Variants in TAF10 observed in about 807,000 individuals in gnomAD.
TAF10 encodes TATA-box binding protein associated factor 10, also known as transcription initiation factor TFIID subunit 10.
Under a neutral mutation model 18.1 loss-of-function variants are expected in TAF10, and 2 were observed. That is an observed-to-expected ratio of 0.11 (90% CI 0.05 to 0.35). The LOEUF (loss-of-function observed/expected upper bound fraction) is 0.35, where lower values mean the gene tolerates loss of function less well. Ranked by LOEUF, TAF10 falls within the 10% of genes least tolerant of loss-of-function variation. The pLI, the probability that TAF10 is intolerant of heterozygous loss-of-function variation, is 1.00. For missense variants in TAF10, 293 were observed against 306.9 expected (o/e 0.95, Z 0.34); for synonymous variants, 158 against 134.6 (o/e 1.17, Z -1.20).
In TAF10 at chr11:6,606,637, G is replaced by A. The variant is rs1302187702; in HGVS notation, c.*4285C>T. On this transcript the variant is annotated 3_prime_UTR_variant, in exon 5 of 5. Transcript: ENST00000299424. Reference sequence around the variant, plus strand: ...AGGGGTGGAATTAATGAAACTGGAAGGTTGTGGTGCTGGTTTGAGGAGTAA... The same window carrying A: ...AGGGGTGGAATTAATGAAACTGGAAAGTTGTGGTGCTGGTTTGAGGAGTAA... 1 of 152,270 alleles carries A rather than the reference G, an allele frequency of 6.6e-6. No individual in the cohort carries two copies. Among genetic ancestry groups the A allele is most frequent in the Admixed American group, 6.5e-5 (1 of 15,284 alleles). The allele number at this position is 152,270 out of a possible 1,614,324, so 9.4% of individuals were successfully genotyped here.
In TAF10 at chr11:6,609,074, A is replaced by G; in HGVS notation, c.*1848T>C. 6.2e-7 allele frequency: 1 copy of G among 1,614,106 alleles called. No individual in the cohort carries two copies. The highest frequency in any genetic ancestry group is 8.5e-7 in the Non-Finnish European group (1 of 1,179,962). ...CCTGACCTGCCCACACTCTTAGGAA[A>G]TGGAACCCTGAACAAACACTCTGGC... On this transcript the variant is annotated 3_prime_UTR_variant, in exon 5 of 5. Coordinates refer to ENST00000299424, the MANE Select transcript of TAF10 (RefSeq NM_006284.4).
chr11:6,610,330 A>T lies in TAF10; in HGVS notation c.*592T>A. On this transcript the variant is annotated 3_prime_UTR_variant, in exon 5 of 5. Transcript: ENST00000299424. ...GTTGCGGGAGTGGTTGGTGATGGTG[A>T]AAATAACTGTAGTGGGCCTTGGCTC... The T allele has an allele frequency of 6.2e-7, 1 of 1,613,912 alleles. No individual in the cohort carries two copies. The highest frequency in any genetic ancestry group is 8.5e-7 in the Non-Finnish European group (1 of 1,179,996).
In TAF10 at chr11:6,609,330, T is replaced by G; in HGVS notation, c.*1592A>C. 6.2e-7 allele frequency: 1 copy of G among 1,614,084 alleles called. No homozygotes were observed. Among genetic ancestry groups the G allele is most frequent in the South Asian group, 1.1e-5 (1 of 91,078 alleles). ...AAGGGCCGCTGGCAGGGCAATGACA[T>G]TGTCGTGAAGGTGCTGAAGGTTCGA... On this transcript the variant is annotated 3_prime_UTR_variant, in exon 5 of 5. Coordinates refer to ENST00000299424, the MANE Select transcript of TAF10 (RefSeq NM_006284.4).
At position 6,607,982 on chromosome 11, in the gene TAF10, T is replaced by G. The variant is rs1447220066; in HGVS notation, c.*2940A>C. On this transcript the variant is annotated 3_prime_UTR_variant, in exon 5 of 5. Coordinates refer to ENST00000299424, the MANE Select transcript of TAF10 (RefSeq NM_006284.4). ...CAGAGAGTATGTAATTATCAGTTTT[T>G]CAGGAATCAAAACCTTTGCCCCATC... The G allele has an allele frequency of 1.9e-6, 3 of 1,540,782 alleles. No homozygotes were observed. Among genetic ancestry groups the G allele is most frequent in the Non-Finnish European group, 2.7e-6 (3 of 1,116,494 alleles).
chr11:6,607,823 A>C lies in TAF10; in HGVS notation c.*3099T>G. The C allele has an allele frequency of 1.7e-6, 1 of 577,178 alleles. No homozygotes were observed. The highest frequency in any genetic ancestry group is 3.1e-6 in the Non-Finnish European group (1 of 322,392). The allele number at this position is 577,178 out of a possible 1,614,324, so 35.8% of individuals were successfully genotyped here. On this transcript the variant is annotated 3_prime_UTR_variant, in exon 5 of 5. Coordinates refer to ENST00000299424, the MANE Select transcript of TAF10 (RefSeq NM_006284.4). ...AGATGTGGGATATGGTGAAGATAAC[A>C]CATTTTTTTATAGAGGTTGTTGAGA...
Position 6,611,550 on chromosome 11 carries a change from A to G in TAF10, c.388-98T>C. ...GGAAGCTCACAGTTTGGGTGAGCAG[A>G]GGGCAAACACAGAAGAGCGACTAGG... On this transcript the variant is annotated intron_variant, in intron 2 of 4. Transcript: ENST00000299424. 3 of 1,596,868 alleles carry G rather than the reference A, an allele frequency of 1.9e-6. No individual in the cohort carries two copies. In the South Asian group the frequency reaches 3.3e-5, roughly 18 times the overall value.
At position 6,608,120 on chromosome 11, in the gene TAF10, T is replaced by C. The variant is rs752892842; in HGVS notation, c.*2802A>G. 6.2e-7 allele frequency: 1 copy of C among 1,614,150 alleles called. No individual in the cohort carries two copies. Among genetic ancestry groups the C allele is most frequent in the Non-Finnish European group, 8.5e-7 (1 of 1,180,010 alleles). ...TCTGCTGTGGTTGAGATGTTGATCA[T>C]GCGGGGGGCACGGATCAATGTAATG... On this transcript the variant is annotated 3_prime_UTR_variant, in exon 5 of 5. Coordinates refer to ENST00000299424, the MANE Select transcript of TAF10 (RefSeq NM_006284.4). The surrounding 1 kb of genome is among the most constrained non-coding windows in gnomAD (Gnocchi z 4.9).
At position 6,607,908 on chromosome 11, in the gene TAF10, G is replaced by A; in HGVS notation, c.*3014C>T. On this transcript the variant is annotated 3_prime_UTR_variant, in exon 5 of 5. Coordinates refer to ENST00000299424, the MANE Select transcript of TAF10 (RefSeq NM_006284.4). ...GAAGGTCTGAAATGGACAGCTTTGG[G>A]AGTTGCTGGCATGAATGAGAATCAA... The A allele has an allele frequency of 1.2e-6, 1 of 849,062 alleles. No individual in the cohort carries two copies. The allele number at this position is 849,062 out of a possible 1,614,324, so 52.6% of individuals were successfully genotyped here.
rs1466608792 is a variant in TAF10 at position 6,611,976 on chromosome 11, C to G, written c.214G>C (p.Ala72Pro). ...CCCTCACCCGCCCCACGCCGCTCAG[C>G]TGGCTCCCCGGCCCGCGCCGCCAAG... is the stretch of plus-strand genomic sequence containing the variant. ...GPLAARAGEP[A>P]ERRGAAPVSA... Residue 72 changes from alanine to proline, a missense_variant, in exon 1 of 5, where the codon GCT becomes CCT. Coordinates refer to ENST00000299424, the MANE Select transcript of TAF10 (RefSeq NM_006284.4). 1.3e-6 allele frequency: 2 copies of G among 1,566,112 alleles called. No homozygotes were observed. The highest frequency in any genetic ancestry group is 1.1e-5 in the South Asian group (1 of 87,012).
At position 6,608,126 on chromosome 11, in the gene TAF10, G is replaced by A. The variant is rs1451247994; in HGVS notation, c.*2796C>T. On this transcript the variant is annotated 3_prime_UTR_variant, in exon 5 of 5. Coordinates refer to ENST00000299424, the MANE Select transcript of TAF10 (RefSeq NM_006284.4). This position sits in a 1 kb window ranked among gnomAD's most constrained non-coding sequence, Gnocchi z 4.9. Reference sequence around the variant, plus strand: ...GTGGTTGAGATGTTGATCATGCGGGGGGCACGGATCAATGTAATGAACCGT... The same window carrying A: ...GTGGTTGAGATGTTGATCATGCGGGAGGCACGGATCAATGTAATGAACCGT... The A allele has an allele frequency of 1.2e-6, 2 of 1,614,102 alleles. No homozygotes were observed. Among genetic ancestry groups the A allele is most frequent in the Middle Eastern group, 3.3e-4 (2 of 6,062 alleles).
At position 6,611,960 on chromosome 11, in the gene TAF10, GC is replaced by G; in HGVS notation, c.229del (p.Ala77ArgfsTer31). On this transcript the variant is annotated frameshift_variant, in exon 1 of 5. Coordinates refer to ENST00000299424, the MANE Select transcript of TAF10 (RefSeq NM_006284.4). LOFTEE classifies it high-confidence loss of function. Reference sequence around the variant, plus strand: ...CCCTCACCCGTCCCGGCCCTCACCCGCCCCACGCCGCTCAGCTGGCTCCCCG... The same window carrying G: ...CCCTCACCCGTCCCGGCCCTCACCCGCCCACGCCGCTCAGCTGGCTCCCCG... ...RAGEPAERRG[A>X]APVSAGGAAP... 1.3e-6 allele frequency: 2 copies of G among 1,571,096 alleles called. No individual in the cohort carries two copies. The highest frequency in any genetic ancestry group is 1.1e-5 in the South Asian group (1 of 87,558).
Position 6,607,748 on chromosome 11 carries a change from GA to G in TAF10, c.*3173del, listed in dbSNP as rs1255787802. On this transcript the variant is annotated 3_prime_UTR_variant, in exon 5 of 5. Transcript: ENST00000299424. ...ACAGAAAGGACCAATAGATGTTGCA[GA>G]AGGGGTGCAAGAGAAACCAGGGGAA... 6.8e-6 allele frequency: 3 copies of G among 438,930 alleles called. No individual in the cohort carries two copies. The highest frequency in any genetic ancestry group is 1.3e-5 in the Non-Finnish European group (3 of 236,502). The allele number at this position is 438,930 out of a possible 1,614,324, so 27.2% of individuals were successfully genotyped here.
rs374912970 is a variant in TAF10, at chr11:6,611,757, T to A, written c.294A>T (p.Val98=). The A allele has an allele frequency of 1.2e-6, 2 of 1,611,432 alleles. No individual in the cohort carries two copies. The highest frequency in any genetic ancestry group is 1.7e-6 in the Non-Finnish European group (2 of 1,178,782). ...PEGAISNGVY[V]LPSAANGDVK... ...CGTCTCCGTTGGCCGCGCTCGGCAG[T>A]ACGTAAACCCCGTTAGATATGGCCC... Residue 98 remains valine, a synonymous_variant, in exon 2 of 5, where the codon GTA becomes GTT. Transcript: ENST00000299424.
rs1476808329 is a variant in TAF10, at chr11:6,611,701, A to C, written c.350T>G (p.Val117Gly). The C allele has an allele frequency of 6.2e-7, 1 of 1,607,860 alleles. No homozygotes were observed. The highest frequency in any genetic ancestry group is 1.7e-5 in the Admixed American group (1 of 59,196). The change falls in exon 2 of 5, where the codon GTG (valine) becomes GGG (glycine). Residue 117 changes from valine to glycine, a missense_variant. By Grantham distance (109) the Val-to-Gly change is moderately radical (BLOSUM62 -3). Coordinates refer to ENST00000299424, the MANE Select transcript of TAF10 (RefSeq NM_006284.4). ...VKPVVSSTPL[V>G]DFLMQLEDYT... ...ATCTTCCAGCTGCATCAAGAAGTCCACCAAAGGCGTGCTGGACACCACGGG... is the reference window on the plus strand; with the variant it reads ...ATCTTCCAGCTGCATCAAGAAGTCCCCCAAAGGCGTGCTGGACACCACGGG...
In TAF10 at chr11:6,609,907, C is replaced by A. The variant is rs1227521233; in HGVS notation, c.*1015G>T. 2.5e-6 allele frequency: 4 copies of A among 1,614,040 alleles called. No homozygotes were observed. The highest frequency in any genetic ancestry group is 1.3e-5 in the African/African-American group (1 of 74,938). ...AAGCCCTTTGCCTATCTATGACTTA[C>A]CTCCTTCTATCTGTTTTCTCTTCCT... On this transcript the variant is annotated 3_prime_UTR_variant, in exon 5 of 5. Transcript: ENST00000299424.
intron 2 of TAF10, 84 bp from the exon 3 acceptor site, chr11:6,611,536 G>A: frequency 6.3e-7 from 1 of 1,595,254 alleles, no homozygotes; most frequent in Admixed American, 1.7e-5. Flanking sequence ...GAAGCTCACA[G>A]TTTGGGTGAG....
chr11:6,611,981 T>C lies in TAF10; in HGVS notation c.209A>G (p.Glu70Gly). ...ACCCGCCCCACGCCGCTCAGCTGGC[T>C]CCCCGGCCCGCGCCGCCAAGGGTCC... ...GTGPLAARAG[E>G]PAERRGAAPV... The change falls in exon 1 of 5, where the codon GAG (glutamate) becomes GGG (glycine). Residue 70 changes from glutamate (E) to glycine (G), a missense_variant. Glu to Gly is a moderately conservative substitution (Grantham distance 98, BLOSUM62 -2). Coordinates refer to ENST00000299424, the MANE Select transcript of TAF10 (RefSeq NM_006284.4). 1 of 1,560,898 alleles carries C rather than the reference T, an allele frequency of 6.4e-7. No homozygotes were observed. Among genetic ancestry groups the C allele is most frequent in the Non-Finnish European group, 8.6e-7 (1 of 1,161,428 alleles).
chr11:6,607,764 A>T lies in TAF10; in HGVS notation c.*3158T>A. On this transcript the variant is annotated 3_prime_UTR_variant, in exon 5 of 5. Transcript: ENST00000299424. ...GATGTTGCAGAAGGGGTGCAAGAGA[A>T]ACCAGGGGAAGAGCACTACCACCTA... 1 of 470,754 alleles carries T rather than the reference A, an allele frequency of 2.1e-6. No homozygotes were observed. Among genetic ancestry groups the T allele is most frequent in the Admixed American group, 3.4e-5 (1 of 29,318 alleles). The allele number at this position is 470,754 out of a possible 1,614,324, so 29.2% of individuals were successfully genotyped here. A position where few individuals can be genotyped will look rare whatever the true frequency, so the allele number is the denominator to read the frequency against.
At position 6,610,159 on chromosome 11, in the gene TAF10, A is replaced by C. The variant is rs865878764; in HGVS notation, c.*763T>G. ...CCCTATCTCTCCAGCTCTGCAGAAG[A>C]AGCCTGAAGACACAAACAGACGCTC... is the stretch of plus-strand genomic sequence containing the variant. On this transcript the variant is annotated 3_prime_UTR_variant, in exon 5 of 5. Transcript: ENST00000299424. The C allele has an allele frequency of 8.7e-6, 14 of 1,614,230 alleles. No homozygotes were observed. In the East Asian group the frequency reaches 2.2e-4, roughly 26 times the overall value.
Sources: gnomAD v4.1 joint callset for allele counts on GRCh38, gnomAD v4.1.1 for gene constraint, Gnocchi (gnomAD v3.1) non-coding constraint, MANE v1.5 for transcripts, NCBI Gene and HGNC (gene_info 2026-07-23, HGNC 2026-07-21) for gene names.